The following CSGALNACT1 variants were observed in gnomAD, a reference collection of about 807,000 sequenced individuals.
CSGALNACT1 encodes the protein beta4GalNAcT-1.
CSGALNACT1 carries 52 observed loss-of-function variants against 51.0 expected under a neutral mutation model. That is an observed-to-expected ratio of 1.02 (90% CI 0.82 to 1.29). CSGALNACT1 has a LOEUF of 1.29. CSGALNACT1 is among the 50% of genes most tolerant of loss of function. CSGALNACT1 has a pLI of 0.00. For missense variants in CSGALNACT1, 935 were observed against 679.2 expected (o/e 1.38, Z -4.19); for synonymous variants, 341 against 254.4 (o/e 1.34, Z -3.24).
chr8:19,430,530 G>C (rs1275577100), intron 6 of CSGALNACT1, among the ~76,000 whole-genome samples: 5 of 152,170 alleles, frequency 3.3e-5, no homozygotes, highest in South Asian at 2.1e-4. Flanking sequence ...TAAATGTATA[G>C]GTTTATTTCC....
rs2039458469 is a variant in CSGALNACT1, at chr8:19,556,471, G to A, written c.-297+34689C>T. On this transcript the variant is annotated intron_variant, in intron 3 of 9. Coordinates refer to ENST00000454498, the Ensembl canonical transcript of CSGALNACT1. ...TATTTTAAAGGGGGAAATAATGGAT[G>A]ACAATCAGTGATAATGAAATCCAAT... is the stretch of plus-strand genomic sequence containing the variant. 2.0e-5 allele frequency among the ~76,000 whole-genome samples: 3 copies of A among 152,094 alleles called. No individual in the cohort carries two copies. The South Asian group carries it at 6.2e-4, about 32-fold the overall frequency.
At chr8:19,506,998 C>G (rs538232616) in intron 3 of CSGALNACT1, among the ~76,000 whole-genome samples, 1 of 152,192 alleles carries the variant, frequency 6.6e-6, no homozygotes, top group Non-Finnish European at 1.5e-5. Flanking sequence ...CCTGTGTGCA[C>G]TCACTTAGAG....
At chr8:19,419,959 T>C (rs537659837) in intron 7 of CSGALNACT1, among the ~76,000 whole-genome samples, 1 of 152,330 alleles carries the variant, frequency 6.6e-6, no homozygotes, top group South Asian at 2.1e-4. Context: ...TCCCATGCTG[T>C]ACTCATGATA....
At chr8:19,680,560 C>A (rs1564414483) in intron 1 of CSGALNACT1, among the ~76,000 whole-genome samples, 2 of 10,614 alleles carry the variant, frequency 1.9e-4, no homozygotes, top group Non-Finnish European at 2.6e-4. Context: ...TGCACCCTCG[C>A]CCCACCCCCC....
At chr8:19,476,083 G>C (rs573933322) in intron 4 of CSGALNACT1, among the ~76,000 whole-genome samples, 1 of 152,266 alleles carries the variant, frequency 6.6e-6, no homozygotes, top group East Asian at 1.9e-4. Flanking sequence ...TGTATCCTAT[G>C]ACTGAGGTTG....
chr8:19,536,625 A>T (rs2083806105), intron 3 of CSGALNACT1, among the ~76,000 whole-genome samples: 1 of 152,206 alleles, frequency 6.6e-6, no homozygotes, highest in Non-Finnish European at 1.5e-5. Context: ...TAACTCCTAT[A>T]AAAAATCTCA....
chr8:19,608,538 A>T (rs564551839), intron 1 of CSGALNACT1, among the ~76,000 whole-genome samples: 1 of 152,364 alleles, frequency 6.6e-6, no homozygotes, highest in East Asian at 1.9e-4. Context: ...CAATCTCCAC[A>T]GCATCTTTAA....
intron 1 of CSGALNACT1, among the ~76,000 whole-genome samples, chr8:19,662,867 G>A (rs1249547253): frequency 1.3e-5 from 2 of 152,140 alleles, no homozygotes; most frequent in African/African-American, 4.8e-5. Context: ...AGGAGGTCAT[G>A]CCACACATCC....
intron 1 of CSGALNACT1, among the ~76,000 whole-genome samples, chr8:19,729,838 A>T (rs1223023340): frequency 3.3e-5 from 5 of 151,996 alleles, no homozygotes; most frequent in Admixed American, 6.6e-5. Context: ...TAGAAGGAAG[A>T]GCTGAACGGG....
chr8:19,411,992 G>A (rs1242610453), intron 8 of CSGALNACT1, among the ~76,000 whole-genome samples: 2 of 152,010 alleles, frequency 1.3e-5, no homozygotes, highest in Non-Finnish European at 2.9e-5. Context: ...CACCATGCCC[G>A]GCTACATTTT....
At chr8:19,544,884 A>G (rs1419427580) in intron 3 of CSGALNACT1, among the ~76,000 whole-genome samples, 1 of 152,228 alleles carries the variant, frequency 6.6e-6, no homozygotes, top group Non-Finnish European at 1.5e-5. Context: ...GAAGACAACA[A>G]AGGAAGAGGC....
chr8:19,716,717 G>C lies in CSGALNACT1; in HGVS notation c.-297+41133C>G, dbSNP rs150647773. 8.9e-3 allele frequency among the ~76,000 whole-genome samples: 1,349 copies of C among 151,232 alleles called. 17 individuals are homozygous for C. The highest frequency in any genetic ancestry group is 0.03 in the African/African-American group (1,246 of 41,224). On this transcript the variant is annotated intron_variant, in intron 1 of 1. Transcript: ENST00000517494. ...TGAGGCATGAGAATCACGGGAACAT[G>C]GGAGGCAGAAGTTGTAGTGGGCCAA...
At chr8:19,560,531 A>T (rs1448840569) in intron 3 of CSGALNACT1, among the ~76,000 whole-genome samples, 2 of 152,204 alleles carry the variant, frequency 1.3e-5, no homozygotes, top group African/African-American at 2.4e-5. Flanking sequence ...AGAATTCTGC[A>T]AACAATTCAA....
At chr8:19,664,016 C>T (rs913721127) in intron 1 of CSGALNACT1, among the ~76,000 whole-genome samples, 4 of 152,150 alleles carry the variant, frequency 2.6e-5, no homozygotes, top group African/African-American at 7.3e-5. Context: ...GGCCGACTCC[C>T]AGCTGGTGAA....
intron 1 of CSGALNACT1, among the ~76,000 whole-genome samples, chr8:19,681,434 C>A (rs1405499637): frequency 6.6e-6 from 1 of 152,134 alleles, no homozygotes; most frequent in African/African-American, 2.4e-5. Flanking sequence ...TCCATCACAG[C>A]AGACTTCTGT....
At chr8:19,651,695 C>T (rs1054339940) in intron 1 of CSGALNACT1, among the ~76,000 whole-genome samples, 25 of 152,164 alleles carry the variant, frequency 1.6e-4, no homozygotes, top group African/African-American at 2.4e-4. Flanking sequence ...TTCATGTCTT[C>T]GCTATTGTGA....
At chr8:19,502,333 C>T (rs998140816) in intron 4 of CSGALNACT1, among the ~76,000 whole-genome samples, 1 of 152,168 alleles carries the variant, frequency 6.6e-6, no homozygotes, top group Non-Finnish European at 1.5e-5. Context: ...TATGTTCAGT[C>T]TCTTGTTGGT....
intron 1 of CSGALNACT1, among the ~76,000 whole-genome samples, chr8:19,675,928 C>A (rs1260957948): frequency 6.6e-6 from 1 of 151,986 alleles, no homozygotes; most frequent in African/African-American, 2.4e-5. Flanking sequence ...GCCCAAATCT[C>A]AAAGTAATCC....
chr8:19,456,913 A>T (rs766469294), intron 5 of CSGALNACT1, among the ~76,000 whole-genome samples: 20 of 152,224 alleles, frequency 1.3e-4, no homozygotes, highest in South Asian at 2.1e-4. Context: ...TTGAAAACTT[A>T]TGATGTTTAA....
Sources: gnomAD v4.1 joint callset for allele counts (sites outside exome capture counted in the v4.1 genomes callset) on GRCh38, gnomAD v4.1.1 for gene constraint, MANE v1.5 for transcripts, NCBI Gene and HGNC (gene_info 2026-07-23, HGNC 2026-07-21) for gene names.